Variants in NCALD observed in about 807,000 individuals in gnomAD.
NCALD encodes neurocalcin delta.
A neutral mutation model predicts 18.6 loss-of-function variants in NCALD; 10 were observed. The ratio of observed to expected loss-of-function variants is 0.54; its 90% CI spans 0.33 to 0.91. The LOEUF (loss-of-function observed/expected upper bound fraction) is 0.91, where lower values mean the gene tolerates loss of function less well. NCALD is among the 40% of genes least tolerant of loss of function. The pLI is 0.03. For missense variants in NCALD, 184 were observed against 247.6 expected (o/e 0.74, Z 1.72); for synonymous variants, 88 against 87.4 (o/e 1.01, Z -0.04).
chr8:101,740,844 C>G (rs1364989355), intron 1 of NCALD, among the ~76,000 whole-genome samples: 1 of 152,122 alleles, frequency 6.6e-6, no homozygotes, highest in Non-Finnish European at 1.5e-5. Context: ...CTGCACACCC[C>G]CATCCATCCC....
At chr8:102,124,804 G>A (rs527795921), upstream of NCALD, 1 of 152,292 alleles carries the variant, frequency 6.6e-6, no homozygotes, top group East Asian at 1.9e-4. Context: ...GGTGGGAGGG[G>A]GGCTGCTTTT....
intron 2 of NCALD, among the ~76,000 whole-genome samples, chr8:101,920,300 T>C (rs886445991): frequency 6.6e-6 from 1 of 152,108 alleles, no homozygotes; most frequent in African/African-American, 2.4e-5. Context: ...CTCAAAGAAA[T>C]ATTCTTTAAG....
intron 4 of NCALD, among the ~76,000 whole-genome samples, chr8:101,873,824 C>G (rs1480571402): frequency 6.6e-6 from 1 of 152,180 alleles, no homozygotes; most frequent in Non-Finnish European, 1.5e-5. Flanking sequence ...AATTTCACAC[C>G]AGGGACCAAA....
chr8:101,899,839 T>C (rs1817353985), intron 3 of NCALD, among the ~76,000 whole-genome samples: 1 of 151,932 alleles, frequency 6.6e-6, no homozygotes, highest in South Asian at 2.1e-4. Context: ...TTTTCTTTTA[T>C]TGTGCTTTTT....
At chr8:102,057,934 G>A (rs1157372287) in intron 1 of NCALD, among the ~76,000 whole-genome samples, 3 of 152,238 alleles carry the variant, frequency 2.0e-5, no homozygotes, top group Non-Finnish European at 2.9e-5. Context: ...AAAAGGGTGT[G>A]TAGGTTACAG....
intron 4 of NCALD, among the ~76,000 whole-genome samples, chr8:101,870,084 T>C (rs1014635261): frequency 2.6e-5 from 4 of 152,230 alleles, no homozygotes; most frequent in Non-Finnish European, 5.9e-5. Flanking sequence ...CACTAGTTCA[T>C]GAGCATGGGC....
chr8:101,740,226 G>A (rs1810126820), intron 1 of NCALD, among the ~76,000 whole-genome samples: 3 of 152,190 alleles, frequency 2.0e-5, no homozygotes, highest in African/African-American at 7.2e-5. Context: ...ACTAACATCT[G>A]CTGAACTAAA....
chr8:101,810,054 A>C (rs1439301285), intron 4 of NCALD, among the ~76,000 whole-genome samples: 2 of 152,312 alleles, frequency 1.3e-5, no homozygotes, highest in Non-Finnish European at 1.5e-5. Flanking sequence ...ACGCCTATAA[A>C]CAAGAACAGA....
intron 4 of NCALD, among the ~76,000 whole-genome samples, chr8:101,849,414 T>C (rs1257380768): frequency 6.6e-6 from 1 of 152,142 alleles, no homozygotes; most frequent in Non-Finnish European, 1.5e-5. Context: ...CACTAGGAAT[T>C]TGTGACTACC....
intron 1 of NCALD, among the ~76,000 whole-genome samples, chr8:101,722,109 A>G (rs1005542913): frequency 6.6e-6 from 1 of 152,154 alleles, no homozygotes; most frequent in Non-Finnish European, 1.5e-5. Flanking sequence ...GATTGCAGGC[A>G]TGAGCCACCA....
At position 101,734,783 on chromosome 8, in the gene NCALD, GCAA is replaced by G. The variant is rs201095221; in HGVS notation, c.-19-15138_-19-15136del. 4.6e-5 allele frequency among the ~76,000 whole-genome samples: 7 copies of G among 152,036 alleles called. No homozygotes were observed. In the East Asian group the frequency reaches 1.2e-3, roughly 25 times the overall value. On this transcript the variant is annotated intron_variant, in intron 1 of 3. Transcript: ENST00000220931. ...TTCAATTACCAGGCTAATAAATAAG[GCAA>G]CAACAACAACAACCCACAGTGTTTT...
rs746958435 is a variant in NCALD, at chr8:101,824,631, C to T, written c.-20+62510G>A. On this transcript the variant is annotated intron_variant, in intron 4 of 6. Coordinates refer to the NCALD transcript ENST00000311028. ...GAGTGACTACTATTTTTTCCAGCAGCGTGGAAGTCTTTTCTATTAACTCTT... is the reference window on the plus strand; with the variant it reads ...GAGTGACTACTATTTTTTCCAGCAGTGTGGAAGTCTTTTCTATTAACTCTT... 2.0e-5 allele frequency among the ~76,000 whole-genome samples: 3 copies of T among 151,912 alleles called. 1 individual carries two copies. The highest frequency in any genetic ancestry group is 4.2e-4 in the South Asian group (2 of 4,818).
chr8:101,997,450 G>A (rs1821279253), intron 2 of NCALD, among the ~76,000 whole-genome samples: 1 of 152,118 alleles, frequency 6.6e-6, no homozygotes, highest in Admixed American at 6.5e-5. Context: ...GGAAGAAAAG[G>A]TTGGGTTAAA....
intron 1 of NCALD, among the ~76,000 whole-genome samples, chr8:102,100,797 G>T (rs539411935): frequency 4.6e-5 from 7 of 152,336 alleles, no homozygotes; most frequent in African/African-American, 1.2e-4. Flanking sequence ...AAATAAGCCA[G>T]TCATAGAAGG....
chr8:101,977,235 T>TG (rs774176599), intron 2 of NCALD, among the ~76,000 whole-genome samples: 6 of 149,874 alleles, frequency 4.0e-5, no homozygotes, highest in Non-Finnish European at 7.4e-5. Flanking sequence ...TTTTTTACAG[T>TG]GAAAAAAAAA....
chr8:102,009,418 C>T (rs1821828162), intron 2 of NCALD, among the ~76,000 whole-genome samples: 1 of 152,192 alleles, frequency 6.6e-6, no homozygotes, highest in Admixed American at 6.5e-5. Flanking sequence ...TCAGGGTAGA[C>T]CTGTTTTTGT....
chr8:102,109,669 A>G (rs897720000), intron 1 of NCALD, among the ~76,000 whole-genome samples: 1 of 152,246 alleles, frequency 6.6e-6, no homozygotes, highest in Non-Finnish European at 1.5e-5. Flanking sequence ...TCTTATGTCC[A>G]CAATATATAT....
intron 2 of NCALD, among the ~76,000 whole-genome samples, chr8:101,944,754 T>C (rs921832801): frequency 9.9e-5 from 15 of 152,098 alleles, no homozygotes; most frequent in African/African-American, 3.1e-4. Flanking sequence ...TAACTATGGC[T>C]CCCATCCATG....
At chr8:101,876,737 T>C (rs1209941349) in intron 4 of NCALD, among the ~76,000 whole-genome samples, 1 of 152,268 alleles carries the variant, frequency 6.6e-6, no homozygotes, top group African/African-American at 2.4e-5. Flanking sequence ...ATAGTACTTA[T>C]TGCTGCTGCT....
Sources: allele counts gnomAD v4.1 joint callset (sites outside exome capture counted in the v4.1 genomes callset), GRCh38; gene constraint gnomAD v4.1.1; transcripts MANE v1.5; gene names NCBI Gene and HGNC (gene_info 2026-07-23, HGNC 2026-07-21).